Variants in VPS26C observed in about 807,000 individuals in gnomAD.
VPS26C encodes the protein VPS26 endosomal protein sorting factor C.
In VPS26C, 19 loss-of-function variants were observed where a neutral mutation model predicts 30.6. The observed-to-expected ratio is 0.62, with a 90% CI of 0.43 to 0.91. VPS26C has a LOEUF of 0.91. Among genes scored for constraint, VPS26C ranks in the 40% least tolerant of loss-of-function variants. The probability of loss-of-function intolerance (pLI) is 0.00; values close to 1 mark genes in which losing one functional copy is unlikely to be tolerated. For synonymous variants in VPS26C, 132 were observed against 151.5 expected, an observed-to-expected ratio of 0.87 and a Z score of 0.95; for missense variants, 318 against 385.1, an observed-to-expected ratio of 0.83 and a Z score of 1.46.
chr21:37,256,079 G>A (rs1319168745), intron 1 of VPS26C, among the ~76,000 whole-genome samples: 1 of 152,002 alleles, frequency 6.6e-6, no homozygotes, highest in African/African-American at 2.4e-5. Flanking sequence ...CAGGTGATCT[G>A]CCTGCCTCGG....
intron 1 of VPS26C, among the ~76,000 whole-genome samples, chr21:37,254,747 C>T (rs998197025): frequency 1.3e-5 from 2 of 151,828 alleles, no homozygotes; most frequent in Non-Finnish European, 1.5e-5. Flanking sequence ...GAGGCAGAGG[C>T]TGCAGTGAGC....
intron 2 of VPS26C, among the ~76,000 whole-genome samples, chr21:37,238,907 C>T (rs2086053892): frequency 6.6e-6 from 1 of 152,322 alleles, no homozygotes; most frequent in African/African-American, 2.4e-5. Context: ...TTAACGACCC[C>T]GATCTTCAGG....
rs537082568 is a variant in VPS26C at position 37,225,607 on chromosome 21, C to T, written c.831G>A (p.Val277=). 1.4e-5 allele frequency: 23 copies of T among 1,614,042 alleles called. No homozygotes were observed. The South Asian group carries it at 2.4e-4, about 17-fold the overall frequency. The change falls in exon 8 of 8, where the codon GTG becomes GTA. Residue 277 remains valine, a synonymous_variant. Coordinates refer to ENST00000309117, the MANE Select transcript of VPS26C (RefSeq NM_006052.2). ...TGAGGTGGTCAGGGTGAAGCAGCAC[C>T]ACGATGTTAACCTCAAATTCTGAGA... is the stretch of plus-strand genomic sequence containing the variant. ...NFKVEFEVNI[V]VLLHPDHLIT...
Position 37,223,567 on chromosome 21 carries a change from T to C in VPS26C, c.*1977A>G, listed in dbSNP as rs1361507254. ...TTCCTTTAAAATTTCCCAGAAAGTG[T>C]GGCCTCTGTTTTCTGCTACTCAGTT... On this transcript the variant is annotated 3_prime_UTR_variant, in exon 8 of 8. Coordinates refer to ENST00000309117, the MANE Select transcript of VPS26C (RefSeq NM_006052.2). 1.3e-5 allele frequency: 2 copies of C among 152,238 alleles called. No individual in the cohort carries two copies. Among genetic ancestry groups the C allele is most frequent in the Non-Finnish European group, 2.9e-5 (2 of 68,044 alleles). 9.4% of individuals were successfully genotyped at this position (152,238 alleles called of 1,614,324 possible). A position where few individuals can be genotyped will look rare whatever the true frequency, so the allele number is the denominator to read the frequency against.
Position 37,257,969 on chromosome 21 carries a change from C to T in VPS26C, c.57+9269G>A, listed in dbSNP as rs571029235. Among the ~76,000 whole-genome samples, 8 of 152,352 alleles carry T rather than the reference C, an allele frequency of 5.3e-5. No homozygotes were observed. Among genetic ancestry groups the T allele is most frequent in the African/African-American group, 1.9e-4 (8 of 41,586 alleles). Reference sequence around the variant, plus strand: ...CGGCAGCGCCCACCAGCCTGCGCTGCGCTGCACATGGTACCCGCGGCCCCA... The same window carrying T: ...CGGCAGCGCCCACCAGCCTGCGCTGTGCTGCACATGGTACCCGCGGCCCCA... On this transcript the variant is annotated intron_variant, in intron 1 of 7. Coordinates refer to ENST00000309117, the MANE Select transcript of VPS26C (RefSeq NM_006052.2). The surrounding 1 kb of genome is among the most constrained non-coding windows in gnomAD (Gnocchi z 4.2).
intron 7 of VPS26C, 154 bp downstream of exon 7, chr21:37,227,500 G>A: frequency 2.4e-6 from 2 of 844,050 alleles, no homozygotes; most frequent in South Asian, 1.7e-5. Flanking sequence ...AGCAGCCGAA[G>A]GGCAGCAGGC....
At chr21:37,225,714 T>C in intron 7 of VPS26C, 88 bp from the exon 8 acceptor site, 2 of 1,170,422 alleles carry the variant, frequency 1.7e-6, no homozygotes, top group Non-Finnish European at 2.5e-6. Flanking sequence ...CAGGAAGCTC[T>C]AACGGCGAAG....
chr21:37,254,163 TTA>T (rs1354716305), intron 1 of VPS26C, among the ~76,000 whole-genome samples: 1 of 152,102 alleles, frequency 6.6e-6, no homozygotes, highest in Non-Finnish European at 1.5e-5. Flanking sequence ...CAGCCCACAC[TTA>T]TATATGAACA....
intron 1 of VPS26C, among the ~76,000 whole-genome samples, chr21:37,252,643 A>G (rs778435926): frequency 3.3e-5 from 5 of 152,340 alleles, no homozygotes; most frequent in Non-Finnish European, 7.3e-5. Flanking sequence ...ATCATGCCCA[A>G]GTGCTTCTGG....
rs896542174 is a variant in VPS26C, at chr21:37,227,498, A to C, written c.811+156T>G. 3 of 832,960 alleles carry C rather than the reference A, an allele frequency of 3.6e-6. No individual in the cohort carries two copies. The South Asian group carries it at 5.2e-5, about 15-fold the overall frequency. 51.6% of individuals were successfully genotyped at this position (832,960 alleles called of 1,614,324 possible). A position where few individuals can be genotyped will look rare whatever the true frequency, so the allele number is the denominator to read the frequency against. ...TTAACAAGGTTTTGTTGAGCAGCCG[A>C]AGGGCAGCAGGCTCTGAGCTGTATG... On this transcript the variant is annotated intron_variant, in intron 7 of 7. Transcript: ENST00000309117.
intron 1 of VPS26C, among the ~76,000 whole-genome samples, chr21:37,259,423 TTA>T (rs1310827632): frequency 6.6e-6 from 1 of 152,190 alleles, no homozygotes; most frequent in Non-Finnish European, 1.5e-5. Flanking sequence ...AATCTCTTAT[TTA>T]TGTTTTTCAC....
intron 2 of VPS26C, 98 bp downstream of exon 2, chr21:37,240,398 T>G: frequency 7.2e-7 from 1 of 1,392,970 alleles, no homozygotes; most frequent in Non-Finnish European, 9.8e-7. Context: ...TTACTGAGAT[T>G]ACAGGCCTGA....
At chr21:37,267,621 G>A (rs536018616), upstream of VPS26C, 4 of 355,140 alleles carry the variant, frequency 1.1e-5, no homozygotes, top group African/African-American at 4.3e-5. Context: ...TTTGCTGTCC[G>A]GGTTAGCGGA....
chr21:37,261,814 T>G (rs529567448), intron 1 of VPS26C: 11 of 152,182 alleles, frequency 7.2e-5, no homozygotes, highest in African/African-American at 2.6e-4. Context: ...CCATGAAACC[T>G]CATCAAGGTC....
At chr21:37,256,384 G>A (rs1008969131) in intron 1 of VPS26C, among the ~76,000 whole-genome samples, 1 of 152,110 alleles carries the variant, frequency 6.6e-6, no homozygotes, top group Admixed American at 6.5e-5. Flanking sequence ...AAGTAGAACA[G>A]CTCTGCTTTT....
intron 1 of VPS26C, among the ~76,000 whole-genome samples, chr21:37,245,132 C>T (rs1191707798): frequency 6.6e-6 from 1 of 152,146 alleles, no homozygotes; most frequent in African/African-American, 2.4e-5. Flanking sequence ...AGCAGAGGAG[C>T]ACATGACATC....
intron 1 of VPS26C, among the ~76,000 whole-genome samples, chr21:37,259,024 A>G (rs2086276688): frequency 6.6e-6 from 1 of 152,154 alleles, no homozygotes; most frequent in Non-Finnish European, 1.5e-5. Context: ...AGAAGAAGAG[A>G]CCTACTTAAA....
chr21:37,267,317 C>A lies in VPS26C; in HGVS notation c.-23G>T, dbSNP rs1268800856. ...CATCTCCAATTCTCCGCAGCAGCCG[C>A]CACTTCCGGCTGCGCGTGACCCCAG... On this transcript the variant is annotated 5_prime_UTR_variant, in exon 1 of 8. Transcript: ENST00000309117. 1 of 1,611,056 alleles carries A rather than the reference C, an allele frequency of 6.2e-7. No homozygotes were observed.
At chr21:37,252,175 A>G (rs1449737515) in intron 1 of VPS26C, among the ~76,000 whole-genome samples, 1 of 152,248 alleles carries the variant, frequency 6.6e-6, no homozygotes, top group Admixed American at 6.5e-5. Context: ...CAAAACACCA[A>G]GGTAAGTTAC....
Sources: gnomAD v4.1 joint callset for allele counts (sites outside exome capture counted in the v4.1 genomes callset) on GRCh38, gnomAD v4.1.1 for gene constraint, Gnocchi (gnomAD v3.1) non-coding constraint, MANE v1.5 for transcripts, NCBI Gene and HGNC (gene_info 2026-07-23, HGNC 2026-07-21) for gene names.